The following KIF26B variants were observed in gnomAD, a reference collection of about 807,000 sequenced individuals.
KIF26B encodes kinesin family member 26B.
A neutral mutation model predicts 151.2 loss-of-function variants in KIF26B; 63 were observed. That is an observed-to-expected ratio of 0.42 (90% CI 0.34 to 0.51). The LOEUF is 0.51. Ranked by LOEUF, KIF26B falls within the 20% of genes least tolerant of loss-of-function variation. The probability of loss-of-function intolerance (pLI) is 0.07; values close to 1 mark genes in which losing one functional copy is unlikely to be tolerated. For synonymous variants in KIF26B, 1,357 were observed against 1,262.1 expected (o/e 1.08, Z -1.59); for missense variants, 2,813 against 2,913.6 (o/e 0.97, Z 0.79).
At chr1:245,501,326 G>A (rs1168210651) in intron 4 of KIF26B, among the ~76,000 whole-genome samples, 2 of 152,180 alleles carry the variant, frequency 1.3e-5, no homozygotes, top group Non-Finnish European at 2.9e-5. Context: ...TCACAGAGTC[G>A]TAATGAGGGT....
At chr1:245,486,982 A>G (rs999900204) in intron 4 of KIF26B, among the ~76,000 whole-genome samples, 1 of 152,196 alleles carries the variant, frequency 6.6e-6, no homozygotes, top group Non-Finnish European at 1.5e-5. Context: ...GAACTGTCCC[A>G]AAGTCGGACG....
rs1573694402 is a variant in KIF26B, at chr1:245,184,054, T to TTTTTTTTTTTTTTTTTTTTTTG, written c.465+27386_465+27387insTTTTTTGTTTTTTTTTTTTTTT. Among the ~76,000 whole-genome samples the TTTTTTTTTTTTTTTTTTTTTTG allele has an allele frequency of 1.8e-5, 2 of 113,242 alleles. 1 individual carries two copies. Among genetic ancestry groups the TTTTTTTTTTTTTTTTTTTTTTG allele is most frequent in the East Asian group, 5.0e-4 (2 of 4,002 alleles). The allele number at this position is 113,242 out of a possible 152,430, so 74.3% of individuals were successfully genotyped here. ...CAGGTATGGGTGGGAGTTGTTGTTT[T>TTTTTTTTTTTTTTTTTTTTTTG]TTTTTTTTTTTTTTTGAGCTTTCTT... is the stretch of plus-strand genomic sequence containing the variant. On this transcript the variant is annotated intron_variant, in intron 2 of 14. Transcript: ENST00000407071.
intron 2 of KIF26B, among the ~76,000 whole-genome samples, chr1:245,217,635 G>A (rs752950654): frequency 6.6e-6 from 1 of 152,194 alleles, no homozygotes; most frequent in South Asian, 2.1e-4. Context: ...CTCCCAAAGT[G>A]CTAGGACTAT....
intron 2 of KIF26B, among the ~76,000 whole-genome samples, chr1:245,232,739 G>C (rs193061174): frequency 6.6e-6 from 1 of 152,008 alleles, no homozygotes; most frequent in African/African-American, 2.4e-5. Context: ...TAGTAGAGAC[G>C]GGGTTTCTCC....
intron 2 of KIF26B, among the ~76,000 whole-genome samples, chr1:245,200,283 A>C (rs1377640903): frequency 6.6e-6 from 1 of 152,176 alleles, no homozygotes; most frequent in Admixed American, 6.5e-5. Flanking sequence ...AATTTCATGA[A>C]CTGCTCTTTA....
At chr1:245,336,063 AGTCCCACGCAGGGAAAGGAGG>A (rs1210049053) in intron 2 of KIF26B, among the ~76,000 whole-genome samples, 2,534 of 86,648 alleles carry the variant, frequency 0.029, 31 homozygotes, top group African/African-American at 0.14. Context: ...GGGAAAGGAG[AGTCCCACGCAGGGAAAGGAGG>A]GTCCCACGCA....
intron 9 of KIF26B, among the ~76,000 whole-genome samples, chr1:245,620,213 A>C (rs575217772): frequency 6.6e-6 from 1 of 152,240 alleles, no homozygotes; most frequent in Admixed American, 6.5e-5. Context: ...TTGAGTTTTC[A>C]ATTCAATTAA....
At chr1:245,574,174 T>A (rs2043093690) in intron 5 of KIF26B, among the ~76,000 whole-genome samples, 1 of 150,462 alleles carries the variant, frequency 6.6e-6, no homozygotes, top group Non-Finnish European at 1.5e-5. Flanking sequence ...AGATGGAGTC[T>A]CGCTCTGTTG....
intron 2 of KIF26B, among the ~76,000 whole-genome samples, chr1:245,188,743 C>CA (rs547873207): frequency 1.3e-5 from 2 of 152,212 alleles, no homozygotes; most frequent in Non-Finnish European, 2.9e-5. Context: ...AGCAGGGACT[C>CA]AAACAAATAT....
At chr1:245,655,300 G>A (rs534350690) in intron 10 of KIF26B, among the ~76,000 whole-genome samples, 17 of 152,338 alleles carry the variant, frequency 1.1e-4, no homozygotes, top group Non-Finnish European at 2.1e-4. Context: ...ACAAAGAGAC[G>A]TGCTTCAAAG....
At chr1:245,691,874 G>A (rs899983607) in intron 12 of KIF26B, among the ~76,000 whole-genome samples, 1 of 152,184 alleles carries the variant, frequency 6.6e-6, no homozygotes, top group African/African-American at 2.4e-5. Context: ...GCTGAGGAGT[G>A]TGCAGCATTG....
At position 245,529,157 on chromosome 1, in the gene KIF26B, G is replaced by A. The variant is rs539059750; in HGVS notation, c.1167-11610G>A. 3.3e-5 allele frequency among the ~76,000 whole-genome samples: 5 copies of A among 152,172 alleles called. No homozygotes were observed. In the East Asian group the frequency reaches 5.8e-4, roughly 18 times the overall value. ...AATATTAAAGGAAGCTGTGAAGATCGGTTGCAGTGTCTGCTATCCTGCTGT... is the reference window on the plus strand; with the variant it reads ...AATATTAAAGGAAGCTGTGAAGATCAGTTGCAGTGTCTGCTATCCTGCTGT... On this transcript the variant is annotated intron_variant, in intron 4 of 14. Coordinates refer to ENST00000407071, the MANE Select transcript of KIF26B (RefSeq NM_018012.4).
intron 4 of KIF26B, among the ~76,000 whole-genome samples, chr1:245,490,785 A>G (rs965920880): frequency 6.6e-6 from 1 of 152,166 alleles, no homozygotes; most frequent in African/African-American, 2.4e-5. Context: ...TTAGAAAATG[A>G]TATGTATGTT....
intron 9 of KIF26B, chr1:245,614,745 G>A (rs2043567107): frequency 6.6e-6 from 1 of 152,282 alleles, no homozygotes. Context: ...TCTCACTGGA[G>A]AGGAGCCGAG....
In KIF26B at chr1:245,688,593, C is replaced by T. The variant is rs764716539; in HGVS notation, c.5610C>T (p.Asp1870=). The part of the protein sequence containing the change: ...PHRCSSGHGS[D]NSSVLSGELP... ...GCTGCAGCAGCGGCCACGGCAGCGACAACAGCAGCGTGCTGAGCGGGGAGC... is the reference window on the plus strand; with the variant it reads ...GCTGCAGCAGCGGCCACGGCAGCGATAACAGCAGCGTGCTGAGCGGGGAGC... Residue 1870 remains aspartate (D), a synonymous_variant, in exon 12 of 15, where the codon GAC becomes GAT. Coordinates refer to ENST00000407071, the MANE Select transcript of KIF26B (RefSeq NM_018012.4). 1.5e-5 allele frequency: 24 copies of T among 1,580,676 alleles called. No homozygotes were observed. In the South Asian group the frequency reaches 2.4e-4, roughly 16 times the overall value.
chr1:245,648,106 C>T (rs541813356), intron 10 of KIF26B, among the ~76,000 whole-genome samples: 1 of 152,268 alleles, frequency 6.6e-6, no homozygotes, highest in Non-Finnish European at 1.5e-5. Context: ...CTGTTAATGT[C>T]AGAACTTCAT....
rs147312951 is a variant in KIF26B, at chr1:245,192,347, G to GA, written c.465+35667dup. Among the ~76,000 whole-genome samples, 668 of 146,326 alleles carry GA rather than the reference G, an allele frequency of 4.6e-3. 4 individuals are homozygous for GA. The highest frequency in any genetic ancestry group is 0.013 in the African/African-American group (523 of 39,978). The stretch of plus-strand genomic sequence containing the variant: ...GTCTAGACAGTTTAAAACTTCACAG[G>GA]AAAGAAAAAAAAGGATGCTTGCTAC... On this transcript the variant is annotated intron_variant, in intron 2 of 14. Transcript: ENST00000407071.
intron 4 of KIF26B, among the ~76,000 whole-genome samples, chr1:245,427,277 C>T (rs148301816): frequency 7.2e-5 from 11 of 152,270 alleles, no homozygotes; most frequent in Non-Finnish European, 8.8e-5. Flanking sequence ...CAGTTAATGT[C>T]CAGCACTGTT....
intron 2 of KIF26B, among the ~76,000 whole-genome samples, chr1:245,252,276 C>CAAAAAA (rs5782329): frequency 6.2e-5 from 7 of 113,762 alleles, no homozygotes; most frequent in East Asian, 2.6e-4. Context: ...GACCTTGTCT[C>CAAAAAA]AAAAAAAAAA....
Sources: allele counts gnomAD v4.1 joint callset (sites outside exome capture counted in the v4.1 genomes callset), GRCh38; gene constraint gnomAD v4.1.1; transcripts MANE v1.5; gene names NCBI Gene and HGNC (gene_info 2026-07-23, HGNC 2026-07-21).